XKR9: variants seen among roughly 807,000 people sequenced by gnomAD.
The protein encoded by XKR9 is XK-related protein 9.
XKR9 carries 32 observed loss-of-function variants against 32.0 expected under a neutral mutation model. The ratio of observed to expected loss-of-function variants is 1.00; its 90% CI spans 0.76 to 1.34. The LOEUF (loss-of-function observed/expected upper bound fraction) is 1.34, where lower values mean the gene tolerates loss of function less well. Ranked by LOEUF, XKR9 falls within the 40% of genes most tolerant of loss-of-function variation. The pLI is 0.00. For missense variants in XKR9, 546 were observed against 429.7 expected (o/e 1.27, Z -2.39); for synonymous variants, 168 against 143.4 (o/e 1.17, Z -1.22).
the XKR9 span, among the ~76,000 whole-genome samples, chr8:71,034,446 C>G: frequency 6.6e-6 from 1 of 152,194 alleles, no homozygotes; most frequent in Non-Finnish European, 1.5e-5. Flanking sequence ...TTAAATTACC[C>G]AGTCTCAGGT....
At chr8:70,930,247 G>T in the XKR9 span, among the ~76,000 whole-genome samples, 1 of 152,218 alleles carries the variant, frequency 6.6e-6, no homozygotes, top group South Asian at 2.1e-4. Context: ...TTAATGCTCT[G>T]GTTAAGATGA....
At chr8:70,895,821 CAA>C in the XKR9 span, among the ~76,000 whole-genome samples, 4 of 63,778 alleles carry the variant, frequency 6.3e-5, no homozygotes, top group Admixed American at 1.5e-4. Flanking sequence ...CCTACCTCTA[CAA>C]AAAAAAAAAA....
At chr8:70,765,015 C>G (rs567358063) in intron 2 of XKR9, among the ~76,000 whole-genome samples, 2 of 152,128 alleles carry the variant, frequency 1.3e-5, no homozygotes, top group Non-Finnish European at 2.9e-5. Flanking sequence ...GGGTTGGTTC[C>G]AAGTCTTTGC....
intron 3 of XKR9, among the ~76,000 whole-genome samples, chr8:70,705,263 G>A (rs893841980): frequency 5.9e-5 from 9 of 152,110 alleles, no homozygotes; most frequent in East Asian, 1.9e-4. Context: ...TTAGGATATA[G>A]CAATGAACAA....
At chr8:70,840,391 A>G in the XKR9 span, among the ~76,000 whole-genome samples, 3 of 151,930 alleles carry the variant, frequency 2.0e-5, no homozygotes, top group South Asian at 2.1e-4. Context: ...TTTCTCATTG[A>G]TATGTATGTA....
the XKR9 span, among the ~76,000 whole-genome samples, chr8:71,005,310 C>G: frequency 6.7e-6 from 1 of 150,088 alleles, no homozygotes; most frequent in Admixed American, 6.7e-5. Context: ...GCAATATCTG[C>G]CTCCCAGGTT....
the XKR9 span, among the ~76,000 whole-genome samples, chr8:70,946,025 C>A: frequency 1.3e-5 from 2 of 152,144 alleles, no homozygotes; most frequent in Non-Finnish European, 2.9e-5. Context: ...GTCCCAGCTA[C>A]TCGGGAGGCT....
At chr8:70,809,762 C>T in the XKR9 span, among the ~76,000 whole-genome samples, 8 of 151,988 alleles carry the variant, frequency 5.3e-5, no homozygotes, top group African/African-American at 1.7e-4. Flanking sequence ...TAAAAAGAAA[C>T]AAAGCCTCCA....
At chr8:71,004,640 C>T in the XKR9 span, among the ~76,000 whole-genome samples, 3 of 152,154 alleles carry the variant, frequency 2.0e-5, no homozygotes, top group Admixed American at 6.5e-5. Context: ...TATCTCTAAA[C>T]GTGCCATGGA....
At chr8:70,963,065 C>T in the XKR9 span, among the ~76,000 whole-genome samples, 1 of 152,124 alleles carries the variant, frequency 6.6e-6, no homozygotes, top group Non-Finnish European at 1.5e-5. Context: ...CACAGATCAA[C>T]CCATCACCCA....
chr8:70,777,517 C>G (rs889220356), intron 2 of XKR9, among the ~76,000 whole-genome samples: 1 of 152,084 alleles, frequency 6.6e-6, no homozygotes, highest in African/African-American at 2.4e-5. Context: ...TTCTAGATCC[C>G]TGAGGAATCG....
intron 1 of XKR9, among the ~76,000 whole-genome samples, chr8:70,674,067 G>A (rs892725743): frequency 6.6e-6 from 1 of 152,050 alleles, no homozygotes; most frequent in Non-Finnish European, 1.5e-5. Flanking sequence ...CTGTTGGGAG[G>A]CTGAGTCTGG....
the XKR9 span, among the ~76,000 whole-genome samples, chr8:71,053,204 T>C: frequency 6.6e-6 from 1 of 152,236 alleles, no homozygotes; most frequent in African/African-American, 2.4e-5. Flanking sequence ...TCCAACAGAA[T>C]GGTGCATATC....
At chr8:70,732,434 C>A (rs1191651393) in intron 4 of XKR9, among the ~76,000 whole-genome samples, 5 of 152,212 alleles carry the variant, frequency 3.3e-5, no homozygotes, top group Admixed American at 6.5e-5. Context: ...AACCCCCAGT[C>A]CAAGAGAACT....
At chr8:70,672,460 C>G (rs1818745582) in intron 1 of XKR9, among the ~76,000 whole-genome samples, 1 of 152,130 alleles carries the variant, frequency 6.6e-6, no homozygotes. Flanking sequence ...GTATATATCA[C>G]ATTTTCTTTA....
chr8:70,902,648 T>G, the XKR9 span, among the ~76,000 whole-genome samples: 4 of 152,238 alleles, frequency 2.6e-5, no homozygotes, highest in East Asian at 7.7e-4. Flanking sequence ...CTGATTGCCC[T>G]GGCCAGAACT....
the XKR9 span, among the ~76,000 whole-genome samples, chr8:70,804,767 T>C: frequency 6.6e-6 from 1 of 152,254 alleles, no homozygotes; most frequent in African/African-American, 2.4e-5. Flanking sequence ...TCAAATAATA[T>C]GAATGAATAT....
intron 2 of XKR9, among the ~76,000 whole-genome samples, chr8:70,766,297 G>A (rs1807374652): frequency 1.3e-5 from 2 of 152,134 alleles, no homozygotes; most frequent in African/African-American, 4.8e-5. Context: ...GTGGTTTGTA[G>A]TTCTCCTTGA....
At chr8:70,972,984 T>C in the XKR9 span, among the ~76,000 whole-genome samples, 1 of 152,202 alleles carries the variant, frequency 6.6e-6, no homozygotes, top group Non-Finnish European at 1.5e-5. Context: ...CTTCATAAAA[T>C]GATTTAGGGA....
Sources: gnomAD v4.1 joint callset for allele counts (sites outside exome capture counted in the v4.1 genomes callset) on GRCh38, gnomAD v4.1.1 for gene constraint, MANE v1.5 for transcripts, NCBI Gene and HGNC (gene_info 2026-07-23, HGNC 2026-07-21) for gene names.